Variants in GRIA4 observed in about 807,000 individuals in gnomAD.
The protein encoded by GRIA4 is glutamate ionotropic receptor AMPA type subunit 4, also known as glutamate receptor 4.
In GRIA4, 34 loss-of-function variants were observed where a neutral mutation model predicts 104.0. That is an observed-to-expected ratio of 0.33 (90% CI 0.25 to 0.44). The LOEUF (loss-of-function observed/expected upper bound fraction) is 0.44. Among genes scored for constraint, GRIA4 ranks in the 20% least tolerant of loss-of-function variants. The pLI, the probability that GRIA4 is intolerant of heterozygous loss-of-function variation, is 1.00. For missense variants in GRIA4, 750 were observed against 1,096.5 expected, an observed-to-expected ratio of 0.68 and a Z score of 4.46; for synonymous variants, 386 against 381.9, an observed-to-expected ratio of 1.01 and a Z score of -0.13.
chr11:105,645,507 TTCA>T lies in GRIA4; in HGVS notation c.247+33077_247+33079del, dbSNP rs140186347. 6.9e-3 allele frequency among the ~76,000 whole-genome samples: 1,043 copies of T among 152,228 alleles called. 15 individuals carry two copies. The highest frequency in any genetic ancestry group is 0.046 in the East Asian group (238 of 5,166). ...AACAGGGAGGGGAAATCAAAGACAATTCATCAACACTATTTTGGGGCAATTAAT... is the reference window on the plus strand; with the variant it reads ...AACAGGGAGGGGAAATCAAAGACAATTCAACACTATTTTGGGGCAATTAAT... On this transcript the variant is annotated intron_variant, in intron 3 of 16. Transcript: ENST00000282499.
At chr11:105,903,333 G>A (rs1946926223) in intron 7 of GRIA4, among the ~76,000 whole-genome samples, 1 of 152,196 alleles carries the variant, frequency 6.6e-6, no homozygotes, top group South Asian at 2.1e-4. Context: ...ACTGAACAAA[G>A]ATAGATACTT....
At chr11:105,647,624 C>A (rs117021135) in intron 3 of GRIA4, among the ~76,000 whole-genome samples, 7 of 152,060 alleles carry the variant, frequency 4.6e-5, no homozygotes, top group Non-Finnish European at 5.9e-5. Context: ...TAAGAAAGAA[C>A]GAGATCATGT....
chr11:105,902,047 A>G (rs1728638336), intron 7 of GRIA4, among the ~76,000 whole-genome samples: 1 of 152,154 alleles, frequency 6.6e-6, no homozygotes, highest in African/African-American at 2.4e-5. Flanking sequence ...TACCTTGCTT[A>G]AACACCTTAA....
chr11:105,860,703 A>G (rs1478894856), intron 4 of GRIA4, among the ~76,000 whole-genome samples: 6 of 152,106 alleles, frequency 3.9e-5, no homozygotes, highest in Non-Finnish European at 7.4e-5. Context: ...ACTCACGCCT[A>G]TAATCCCAGC....
chr11:105,924,438 G>T lies in GRIA4; in HGVS notation c.1516G>T (p.Val506Leu), dbSNP rs1349025861. The T allele has an allele frequency of 6.2e-7, 1 of 1,607,930 alleles. No individual in the cohort carries two copies. The highest frequency in any genetic ancestry group is 1.7e-5 in the Admixed American group (1 of 59,768). The part of the protein sequence containing the change: ...IAIAPLTITL[V>L]REEVIDFSKP... ...TATTGCCCCTCTGACAATCACTTTG[G>T]TACGAGAGGAGGTCATTGACTTTTC... The change falls in exon 12 of 17, where the codon GTA becomes TTA. Residue 506 changes from valine (V) to leucine (L), a missense_variant. Around this residue, in one of 3 missense-constraint regions of GRIA4, gnomAD observed 272 missense variants for 524.5 expected, o/e 0.52. Transcript: ENST00000282499.
At chr11:105,907,176 A>T (rs1947069502) in intron 9 of GRIA4, among the ~76,000 whole-genome samples, 1 of 152,168 alleles carries the variant, frequency 6.6e-6, no homozygotes, top group Non-Finnish European at 1.5e-5. Context: ...TTGAACCATG[A>T]TGGTAACAAA....
intron 3 of GRIA4, among the ~76,000 whole-genome samples, chr11:105,719,877 A>C (rs755256855): frequency 2.2e-4 from 34 of 152,092 alleles, no homozygotes; most frequent in Non-Finnish European, 4.3e-4. Context: ...TATTTTTCAC[A>C]GCAACTAACA....
rs148538186 is a variant in GRIA4 at position 105,845,870 on chromosome 11, G to A, written c.488-16154G>A. Among the ~76,000 whole-genome samples, 1,081 of 152,178 alleles carry A rather than the reference G, an allele frequency of 7.1e-3. 6 individuals carry two copies. The highest frequency in any genetic ancestry group is 0.012 in the South Asian group (57 of 4,826). On this transcript the variant is annotated intron_variant, in intron 4 of 16. Coordinates refer to ENST00000282499, the MANE Select transcript of GRIA4 (RefSeq NM_000829.4). ...CACGCCACTGCACTCCAGCCTGGGCGACAGAGAGAGACTCCGTCTCAAAAC... is the reference window on the plus strand; with the variant it reads ...CACGCCACTGCACTCCAGCCTGGGCAACAGAGAGAGACTCCGTCTCAAAAC...
At chr11:105,847,784 A>C (rs1459443864) in intron 4 of GRIA4, among the ~76,000 whole-genome samples, 3 of 152,206 alleles carry the variant, frequency 2.0e-5, no homozygotes, top group Non-Finnish European at 4.4e-5. Flanking sequence ...TCCAAACCAT[A>C]ATGGAGAAAT....
intron 4 of GRIA4, among the ~76,000 whole-genome samples, chr11:105,809,302 CA>C: frequency 6.6e-6 from 1 of 152,044 alleles, no homozygotes; most frequent in Non-Finnish European, 1.5e-5. Context: ...GTGTAATGAT[CA>C]AATCTAGGTA....
At chr11:105,937,781 A>G (rs1948082992) in intron 14 of GRIA4, among the ~76,000 whole-genome samples, 1 of 152,230 alleles carries the variant, frequency 6.6e-6, no homozygotes, top group South Asian at 2.1e-4. Flanking sequence ...ATAAAAATAA[A>G]AAGATGCTTT....
chr11:105,660,973 G>A (rs567968926), intron 3 of GRIA4, among the ~76,000 whole-genome samples: 2 of 151,624 alleles, frequency 1.3e-5, no homozygotes, highest in East Asian at 3.9e-4. Flanking sequence ...TGAAGAGAAA[G>A]TATGTGTTCT....
At chr11:105,974,897 G>C (rs1858899142) in intron 16 of GRIA4, 1 of 185,362 alleles carries the variant, frequency 5.4e-6, no homozygotes, top group African/African-American at 2.3e-5. Flanking sequence ...TTCTGTAACA[G>C]TTCAATTTTA....
chr11:105,784,369 C>T (rs1036097088), intron 4 of GRIA4, among the ~76,000 whole-genome samples: 1 of 152,166 alleles, frequency 6.6e-6, no homozygotes, highest in Non-Finnish European at 1.5e-5. Context: ...CTGTAATTTA[C>T]ATACAGATTT....
intron 3 of GRIA4, among the ~76,000 whole-genome samples, chr11:105,671,552 C>A (rs1468826378): frequency 6.6e-6 from 1 of 151,238 alleles, no homozygotes; most frequent in Non-Finnish European, 1.5e-5. Context: ...GTGGTAGGCA[C>A]CTGTAATCCC....
intron 3 of GRIA4, among the ~76,000 whole-genome samples, chr11:105,747,319 A>G (rs185591409): frequency 3.3e-5 from 5 of 152,306 alleles, no homozygotes; most frequent in Admixed American, 3.3e-4. Flanking sequence ...TACAAAACAA[A>G]TATGTTGACA....
intron 3 of GRIA4, among the ~76,000 whole-genome samples, chr11:105,670,882 T>C (rs1952340146): frequency 6.6e-6 from 1 of 152,276 alleles, no homozygotes; most frequent in South Asian, 2.1e-4. Context: ...CTAAAATCAA[T>C]AGATCAGTAA....
chr11:105,974,519 T>C (rs765427117), intron 16 of GRIA4, 75 bp downstream of exon 16: 1 of 1,613,836 alleles, frequency 6.2e-7, no homozygotes, highest in Non-Finnish European at 8.5e-7. Flanking sequence ...ATAGAGAAGG[T>C]TACAACGTAT....
At chr11:105,931,199 T>C (rs1427001156) in intron 13 of GRIA4, among the ~76,000 whole-genome samples, 2 of 151,830 alleles carry the variant, frequency 1.3e-5, no homozygotes, top group Non-Finnish European at 2.9e-5. Flanking sequence ...CCTGGAAGGA[T>C]ATAGAATCAC....
Sources: allele counts gnomAD v4.1 joint callset (sites outside exome capture counted in the v4.1 genomes callset), GRCh38; gene constraint gnomAD v4.1.1; regional missense constraint gnomAD v4.1.1; transcripts MANE v1.5; gene names NCBI Gene and HGNC (gene_info 2026-07-23, HGNC 2026-07-21).